The following AKAP13 variants were observed in gnomAD, a reference collection of about 807,000 sequenced individuals.
The protein encoded by AKAP13 is A-kinase anchoring protein 13.
A neutral mutation model predicts 264.5 loss-of-function variants in AKAP13; 80 were observed. That is an observed-to-expected ratio of 0.30 (90% CI 0.25 to 0.36). The LOEUF (loss-of-function observed/expected upper bound fraction) is 0.36. Among genes scored for constraint, AKAP13 ranks in the 10% least tolerant of loss-of-function variants. The pLI is 1.00. For missense variants in AKAP13, 3,712 were observed against 3,435.2 expected (o/e 1.08, Z -2.01); for synonymous variants, 1,380 against 1,250.2 (o/e 1.10, Z -2.19).
chr15:85,401,920 C>T lies in AKAP13; in HGVS notation c.-12+21122C>T, dbSNP rs1405387077. The stretch of plus-strand genomic sequence containing the variant: ...AAATAGGAAGATGGAAACTCACTGA[C>T]TGGTAGAAATGTAAAGGATAAATTC... On this transcript the variant is annotated intron_variant, in intron 1 of 36. Transcript: ENST00000394518. Among the ~76,000 whole-genome samples, 5 of 152,170 alleles carry T rather than the reference C, an allele frequency of 3.3e-5. No individual in the cohort carries two copies. The South Asian group carries it at 1.0e-3, about 31-fold the overall frequency.
intron 1 of AKAP13, among the ~76,000 whole-genome samples, chr15:85,397,441 A>G (rs1055316783): frequency 6.6e-6 from 1 of 152,214 alleles, no homozygotes; most frequent in African/African-American, 2.4e-5. Flanking sequence ...AAATAAAGGT[A>G]ATGGTTCATC....
Position 85,412,244 on chromosome 15 carries a change from G to T in AKAP13, c.-12+31446G>T, listed in dbSNP as rs370245541. 1.7e-3 allele frequency among the ~76,000 whole-genome samples: 254 copies of T among 152,296 alleles called. 1 individual carries two copies. Among genetic ancestry groups the T allele is most frequent in the Non-Finnish European group, 2.6e-3 (180 of 68,018 alleles). ...CTAACTCTTTAAGAAGCTACCACTT[G>T]TCAAGTTTTGGTGTAACATGGAAAA... On this transcript the variant is annotated intron_variant, in intron 1 of 36. Coordinates refer to ENST00000394518, the MANE Select transcript of AKAP13 (RefSeq NM_007200.5).
At chr15:85,681,962 A>G (rs1473289351) in intron 14 of AKAP13, among the ~76,000 whole-genome samples, 196 bp from the exon 15 acceptor site, 2 of 152,120 alleles carry the variant, frequency 1.3e-5, no homozygotes, top group Middle Eastern at 3.2e-3. Flanking sequence ...GAAATTCACT[A>G]CCTACTTCTG....
chr15:85,596,486 G>C (rs866270658), intron 8 of AKAP13, among the ~76,000 whole-genome samples: 1 of 152,172 alleles, frequency 6.6e-6, no homozygotes, highest in Middle Eastern at 3.4e-3. Flanking sequence ...GGGAGGCTGA[G>C]GTGGGAGGAT....
At chr15:85,679,465 C>A (rs937050165) in intron 14 of AKAP13, among the ~76,000 whole-genome samples, 8 of 152,146 alleles carry the variant, frequency 5.3e-5, no homozygotes, top group African/African-American at 1.9e-4. Flanking sequence ...GGGGTTGGTT[C>A]ATGGCCAAAT....
intron 8 of AKAP13, among the ~76,000 whole-genome samples, chr15:85,590,505 G>C (rs1200406477): frequency 2.0e-5 from 3 of 152,160 alleles, no homozygotes; most frequent in Non-Finnish European, 2.9e-5. Context: ...AAGGTCCAGT[G>C]CTGAAAATCA....
At chr15:85,563,916 A>G (rs1057190513) in intron 5 of AKAP13, among the ~76,000 whole-genome samples, 1 of 152,228 alleles carries the variant, frequency 6.6e-6, no homozygotes, top group African/African-American at 2.4e-5. Context: ...ATCTAGCTCA[A>G]GTTCTCACTT....
At chr15:85,688,461 A>G (rs1362145081) in intron 16 of AKAP13, among the ~76,000 whole-genome samples, 1 of 152,230 alleles carries the variant, frequency 6.6e-6, no homozygotes, top group Non-Finnish European at 1.5e-5. Context: ...TACCGAATAT[A>G]ATATTAAAAT....
chr15:85,396,394 T>G (rs569468050), intron 1 of AKAP13, among the ~76,000 whole-genome samples: 45 of 152,274 alleles, frequency 3.0e-4, no homozygotes, highest in Admixed American at 4.6e-4. Context: ...AAAAACAAAA[T>G]TATGATTGTA....
chr15:85,576,193 G>T (rs1161768688), intron 6 of AKAP13, among the ~76,000 whole-genome samples: 1 of 152,064 alleles, frequency 6.6e-6, no homozygotes, highest in African/African-American at 2.4e-5. Flanking sequence ...TAAATTTCTG[G>T]CATAAAAGGA....
chr15:85,527,171 G>C (rs1189422072), intron 3 of AKAP13, among the ~76,000 whole-genome samples: 3 of 152,106 alleles, frequency 2.0e-5, no homozygotes, highest in Admixed American at 6.5e-5. Context: ...CACCGTGTTA[G>C]CCAGGATGGT....
At chr15:85,665,532 AATT>A (rs1200143921) in intron 13 of AKAP13, among the ~76,000 whole-genome samples, 2 of 152,136 alleles carry the variant, frequency 1.3e-5, no homozygotes, top group African/African-American at 4.8e-5. Context: ...TTTTTTAAAA[AATT>A]ATTATTTTTA....
At chr15:85,473,514 G>A (rs2075042336) in intron 1 of AKAP13, among the ~76,000 whole-genome samples, 1 of 152,128 alleles carries the variant, frequency 6.6e-6, no homozygotes, top group South Asian at 2.1e-4. Context: ...AGTTAAATAG[G>A]CCCCACAGGA....
intron 1 of AKAP13, among the ~76,000 whole-genome samples, chr15:85,413,162 T>C (rs1184361821): frequency 2.0e-5 from 3 of 152,366 alleles, no homozygotes; most frequent in Middle Eastern, 3.4e-3. Context: ...CTGAAGATTG[T>C]TGATGCAAGG....
chr15:85,455,988 A>C (rs1316838467), intron 1 of AKAP13, among the ~76,000 whole-genome samples: 1 of 152,224 alleles, frequency 6.6e-6, no homozygotes, highest in Non-Finnish European at 1.5e-5. Context: ...CATTGATTGA[A>C]AAGGAGGACA....
chr15:85,708,038 C>T lies in AKAP13; in HGVS notation c.5484C>T (p.His1828=), dbSNP rs1327202877. ...TTTCAGATTGCAGTGCTTTTGTCCA[C>T]AAAGGCTGCCGAGAAAGTCTAGCCT... ...YTCANCSAFV[H]KGCRESLASC... Residue 1828 remains histidine, a synonymous_variant, in exon 18 of 37, where the codon CAC becomes CAT. Coordinates refer to ENST00000394518, the MANE Select transcript of AKAP13 (RefSeq NM_007200.5). The surrounding 1 kb of genome is among the most constrained non-coding windows in gnomAD (Gnocchi z 4.3). The T allele has an allele frequency of 6.2e-7, 1 of 1,613,918 alleles. No homozygotes were observed. Among genetic ancestry groups the T allele is most frequent in the Non-Finnish European group, 8.5e-7 (1 of 1,179,846 alleles).
chr15:85,448,375 C>T (rs1403154051), intron 1 of AKAP13, among the ~76,000 whole-genome samples: 5 of 152,116 alleles, frequency 3.3e-5, no homozygotes, highest in Admixed American at 3.3e-4. Flanking sequence ...TTAATTAGAT[C>T]CCATTTATCA....
chr15:85,416,296 AC>A (rs1428980909), intron 1 of AKAP13, among the ~76,000 whole-genome samples: 1 of 152,168 alleles, frequency 6.6e-6, no homozygotes, highest in African/African-American at 2.4e-5. Flanking sequence ...CTGTTTCAGT[AC>A]TTTCTTGGGA....
chr15:85,593,691 T>C (rs1322469955), intron 8 of AKAP13, among the ~76,000 whole-genome samples: 1 of 152,230 alleles, frequency 6.6e-6, no homozygotes, highest in Non-Finnish European at 1.5e-5. Flanking sequence ...ATAGGTCATA[T>C]GTGCATTTTA....
Sources: gnomAD v4.1 joint callset for allele counts (sites outside exome capture counted in the v4.1 genomes callset) on GRCh38, gnomAD v4.1.1 for gene constraint, Gnocchi (gnomAD v3.1) non-coding constraint, MANE v1.5 for transcripts, NCBI Gene and HGNC (gene_info 2026-07-23, HGNC 2026-07-21) for gene names.